PIEZO2: variants seen among roughly 807,000 people sequenced by gnomAD.
PIEZO2 encodes piezo type mechanosensitive ion channel component 2.
PIEZO2 carries 172 observed loss-of-function variants against 337.3 expected under a neutral mutation model. That is an observed-to-expected ratio of 0.51 (90% CI 0.45 to 0.58). The LOEUF is 0.58. Among genes scored for constraint, PIEZO2 ranks in the 20% least tolerant of loss-of-function variants. The pLI, the probability that PIEZO2 is intolerant of heterozygous loss-of-function variation, is 0.00. For synonymous variants in PIEZO2, 1,251 were observed against 1,228.5 expected (o/e 1.02, Z -0.38); for missense variants, 3,028 against 3,391.3 (o/e 0.89, Z 2.66).
Position 10,891,579 on chromosome 18 carries a change from G to A in PIEZO2, c.329+19607C>T, listed in dbSNP as rs376018237. On this transcript the variant is annotated intron_variant, in intron 4 of 55. Transcript: ENST00000674853. ...TCAAACACACACATGAGGACAATTC[G>A]CACTCACAGGAATGGTCTCCCTTCA... is the stretch of plus-strand genomic sequence containing the variant. 7.2e-5 allele frequency among the ~76,000 whole-genome samples: 11 copies of A among 152,236 alleles called. No individual in the cohort carries two copies. In the East Asian group the frequency reaches 1.2e-3, roughly 16 times the overall value.
At chr18:10,689,856 C>CT (rs768849941) in intron 48 of PIEZO2, 54 bp from the exon 49 acceptor site, 25 of 1,555,786 alleles carry the variant, frequency 1.6e-5, no homozygotes, top group Non-Finnish European at 2.2e-5. Flanking sequence ...CCCCACCACC[C>CT]TGCTCACCCA....
chr18:11,019,373 T>C (rs186342804), intron 2 of PIEZO2, among the ~76,000 whole-genome samples: 1 of 152,224 alleles, frequency 6.6e-6, no homozygotes, highest in Non-Finnish European at 1.5e-5. Context: ...CTTTCCAACC[T>C]GGATATCAGT....
At chr18:10,836,410 C>T (rs185146975) in intron 7 of PIEZO2, among the ~76,000 whole-genome samples, 1 of 152,300 alleles carries the variant, frequency 6.6e-6, no homozygotes, top group Non-Finnish European at 1.5e-5. Flanking sequence ...TGTCTCCTCC[C>T]CATCCCTACC....
At chr18:10,715,541 T>G (rs914439674) in intron 38 of PIEZO2, 109 bp downstream of exon 38, 1 of 1,033,654 alleles carries the variant, frequency 9.7e-7, no homozygotes, top group Non-Finnish European at 1.3e-6. Flanking sequence ...ATGCCACAAC[T>G]GCCTGGAAAG....
At chr18:10,802,628 T>C (rs1476970396) in intron 9 of PIEZO2, among the ~76,000 whole-genome samples, 3 of 152,174 alleles carry the variant, frequency 2.0e-5, no homozygotes, top group Admixed American at 2.0e-4. Flanking sequence ...CCGGTTGAAG[T>C]AGATAAAGAA....
Position 10,672,588 on chromosome 18 carries a change from T to C in PIEZO2, c.8345+102A>G. The C allele has an allele frequency of 3.0e-6, 4 of 1,327,260 alleles. No homozygotes were observed. The highest frequency in any genetic ancestry group is 4.2e-6 in the Non-Finnish European group (4 of 957,560). 82.2% of individuals were successfully genotyped at this position (1,327,260 alleles called of 1,614,324 possible). On this transcript the variant is annotated intron_variant, in intron 55 of 55. Coordinates refer to ENST00000674853, the MANE Select transcript of PIEZO2 (RefSeq NM_001378183.1). This position sits in a 1 kb window ranked among gnomAD's most constrained non-coding sequence, Gnocchi z 4.7. ...TGTGTGCATTTTAATACTGCAGCTC[T>C]AAAATTAGCGAATTCTAAGAAGATA...
At chr18:10,735,615 G>A (rs1055253067) in intron 34 of PIEZO2, among the ~76,000 whole-genome samples, 1 of 152,154 alleles carries the variant, frequency 6.6e-6, no homozygotes, top group Non-Finnish European at 1.5e-5. Flanking sequence ...AAATAAATGA[G>A]TTAAGTCATT....
chr18:10,778,118 A>T (rs1336644006), intron 18 of PIEZO2, among the ~76,000 whole-genome samples: 2 of 152,222 alleles, frequency 1.3e-5, no homozygotes, highest in Non-Finnish European at 2.9e-5. Flanking sequence ...GCCCAGAACT[A>T]ACATTTATAA....
Position 11,102,347 on chromosome 18 carries a change from G to C in PIEZO2, c.65-36125C>G, listed in dbSNP as rs577525762. On this transcript the variant is annotated intron_variant, in intron 1 of 55. Transcript: ENST00000674853. The surrounding 1 kb of genome is among the most constrained non-coding windows in gnomAD (Gnocchi z 5.7). ...TCTCTTAGATAACAGACAGTTTTTGGTAATAAGTTACCAGCATAATCTCAA... is the reference window on the plus strand; with the variant it reads ...TCTCTTAGATAACAGACAGTTTTTGCTAATAAGTTACCAGCATAATCTCAA... Among the ~76,000 whole-genome samples, 143 of 152,310 alleles carry C rather than the reference G, an allele frequency of 9.4e-4. No homozygotes were observed. Among genetic ancestry groups the C allele is most frequent in the African/African-American group, 3.2e-3 (135 of 41,562 alleles).
rs1257826429 is a variant in PIEZO2, at chr18:10,870,689, C to T, written c.492+564G>A. On this transcript the variant is annotated intron_variant, in intron 5 of 55. Transcript: ENST00000674853. This position sits in a 1 kb window ranked among gnomAD's most constrained non-coding sequence, Gnocchi z 5.3. ...ACCTTTCAACCAGCTAGCAAACATA[C>T]ATCTCGTTCATTATTTTTACCTTTT... Among the ~76,000 whole-genome samples the T allele has an allele frequency of 1.3e-5, 2 of 152,130 alleles. No homozygotes were observed. Among genetic ancestry groups the T allele is most frequent in the Non-Finnish European group, 2.9e-5 (2 of 68,032 alleles).
intron 11 of PIEZO2, among the ~76,000 whole-genome samples, chr18:10,799,821 A>G (rs185402546): frequency 2.6e-4 from 39 of 151,216 alleles, no homozygotes; most frequent in African/African-American, 8.5e-4. Context: ...AAAATACAAA[A>G]AATTAGCCAG....
rs761897476 is a variant in PIEZO2 at position 10,724,749 on chromosome 18, C to T, written c.5030-6490G>A. On this transcript the variant is annotated intron_variant, in intron 36 of 55. Transcript: ENST00000674853. The surrounding 1 kb of genome is among the most constrained non-coding windows in gnomAD (Gnocchi z 5.8). ...CACCACTGTACCCCTGGTCTCAGTCCCTGGCCTTGCCCGTGGCTCTGGCAG... is the reference window on the plus strand; with the variant it reads ...CACCACTGTACCCCTGGTCTCAGTCTCTGGCCTTGCCCGTGGCTCTGGCAG... 7 of 1,552,572 alleles carry T rather than the reference C, an allele frequency of 4.5e-6. No individual in the cohort carries two copies. Among genetic ancestry groups the T allele is most frequent in the Middle Eastern group, 1.7e-4 (1 of 5,748 alleles).
In PIEZO2 at chr18:11,085,348, A is replaced by T. The variant is rs530901860; in HGVS notation, c.65-19126T>A. 7.2e-5 allele frequency among the ~76,000 whole-genome samples: 11 copies of T among 152,162 alleles called. No homozygotes were observed. In the East Asian group the frequency reaches 2.1e-3, roughly 29 times the overall value. On this transcript the variant is annotated intron_variant, in intron 1 of 55. Coordinates refer to ENST00000674853, the MANE Select transcript of PIEZO2 (RefSeq NM_001378183.1). ...CTCTCACGCATCAGGCCTCATCACA[A>T]CACAGACTCCAGTCACCTGCTTGCC...
At chr18:10,874,323 C>A (rs1424835746) in intron 4 of PIEZO2, among the ~76,000 whole-genome samples, 1 of 151,920 alleles carries the variant, frequency 6.6e-6, no homozygotes, top group Admixed American at 6.6e-5. Flanking sequence ...AAAATGCTGA[C>A]AAGGATGTGG....
intron 13 of PIEZO2, chr18:10,791,765 A>T: frequency 6.6e-6 from 1 of 152,544 alleles, no homozygotes. Flanking sequence ...TGGGAAAAGG[A>T]AAATTTCATC....
chr18:11,106,378 G>T (rs1387671289), intron 1 of PIEZO2, among the ~76,000 whole-genome samples: 1 of 149,764 alleles, frequency 6.7e-6, no homozygotes, highest in Non-Finnish European at 1.5e-5. Flanking sequence ...GATTACAGGC[G>T]TGAGCCACAG....
chr18:10,792,108 G>A (rs1301623295), intron 13 of PIEZO2, among the ~76,000 whole-genome samples: 3 of 152,060 alleles, frequency 2.0e-5, no homozygotes, highest in Admixed American at 6.5e-5. Flanking sequence ...CACCACACCC[G>A]GCTAGTTTTT....
In PIEZO2 at chr18:11,126,579, G is replaced by A. The variant is rs562199870; in HGVS notation, c.64+21946C>T. On this transcript the variant is annotated intron_variant, in intron 1 of 55. Transcript: ENST00000674853. This position sits in a 1 kb window ranked among gnomAD's most constrained non-coding sequence, Gnocchi z 4.6. ...TTACTCTGAGAACTACAGAGAAGCT[G>A]AACTATCTATGGTTTAAAGAGGATC... 1.4e-3 allele frequency among the ~76,000 whole-genome samples: 214 copies of A among 151,186 alleles called. 1 individual carries two copies. Among genetic ancestry groups the A allele is most frequent in the African/African-American group, 4.9e-3 (204 of 41,228 alleles).
At chr18:11,011,655 T>G (rs2035908084) in intron 2 of PIEZO2, among the ~76,000 whole-genome samples, 1 of 152,226 alleles carries the variant, frequency 6.6e-6, no homozygotes, top group Non-Finnish European at 1.5e-5. Context: ...TCATATTCAT[T>G]TTTCTATCTC....
Sources: allele counts gnomAD v4.1 joint callset (sites outside exome capture counted in the v4.1 genomes callset), GRCh38; gene constraint gnomAD v4.1.1; non-coding constraint Gnocchi (gnomAD v3.1); transcripts MANE v1.5; gene names NCBI Gene and HGNC (gene_info 2026-07-23, HGNC 2026-07-21).